The following NUP98 variants were observed in gnomAD, a reference collection of about 807,000 sequenced individuals.
The protein encoded by NUP98 is nucleoporin 98 and 96 precursor, also known as nuclear pore complex protein Nup98-Nup96.
NUP98 carries 26 observed loss-of-function variants against 191.9 expected under a neutral mutation model. The ratio of observed to expected loss-of-function variants is 0.14; its 90% CI spans 0.10 to 0.19. NUP98 has a LOEUF of 0.19. NUP98 is among the 10% of genes least tolerant of loss of function. The pLI, the probability that NUP98 is intolerant of heterozygous loss-of-function variation, is 1.00. For synonymous variants in NUP98, 808 were observed against 778.4 expected (o/e 1.04, Z -0.63); for missense variants, 1,941 against 2,178.8 (o/e 0.89, Z 2.17).
At chr11:3,770,852 C>A (rs2081508385) in intron 7 of NUP98, among the ~76,000 whole-genome samples, 1 of 152,082 alleles carries the variant, frequency 6.6e-6, no homozygotes, top group Non-Finnish European at 1.5e-5. Flanking sequence ...TCCAGAACCT[C>A]ATCTTTTTTC....
chr11:3,702,791 T>C lies in NUP98; in HGVS notation c.3184A>G (p.Ile1062Val). ...ACAGACCAAGAGGATGTGGATGGGA[T>C]ATTCATTAAAGATGCTGCTCTGGGA... ...RTPRAASLMN[I>V]PSTSSWSVPP... The change falls in exon 23 of 33, where the codon ATC (isoleucine) becomes GTC (valine). Residue 1062 changes from isoleucine (I) to valine (V), a missense_variant. Physicochemically the swap from Ile to Val is conservative, Grantham distance 29. Transcript: ENST00000324932. 3.1e-6 allele frequency: 5 copies of C among 1,614,138 alleles called. No individual in the cohort carries two copies. The highest frequency in any genetic ancestry group is 4.2e-6 in the Non-Finnish European group (5 of 1,180,010).
In NUP98 at chr11:3,735,208, G is replaced by A; in HGVS notation, c.1525C>T (p.Pro509Ser). ...AAATTTACCTCTTCCTTCTTCTTAG[G>A]GTCTGACATCGGATTCCGGAAGAGA... is the stretch of plus-strand genomic sequence containing the variant. ...SPLFRNPMSD[P>S]KKKEERLKPT... The change falls in exon 13 of 33, where the codon CCT (proline) becomes TCT (serine). Residue 509 changes from proline to serine, a missense_variant. By Grantham distance (74) the Pro-to-Ser change is moderately conservative. Around this residue, in one of 6 missense-constraint regions of NUP98, gnomAD observed 453 missense variants for 438.2 expected, o/e 1.03. Transcript: ENST00000324932. 6.3e-7 allele frequency: 1 copy of A among 1,586,892 alleles called. No individual in the cohort carries two copies. Among genetic ancestry groups the A allele is most frequent in the South Asian group, 1.2e-5 (1 of 86,506 alleles).
intron 18 of NUP98, chr11:3,714,748 A>T (rs2079123065): frequency 6.5e-6 from 1 of 152,700 alleles, no homozygotes; most frequent in African/African-American, 2.4e-5. Context: ...GCTGAATAAC[A>T]TATATTTTTT....
At position 3,757,087 on chromosome 11, in the gene NUP98, C is replaced by CAA. The variant is rs1199481122; in HGVS notation, c.1174+3450_1174+3451dup. Reference sequence around the variant, plus strand: ...CGGGCGACAGAGCGAGACTCCATCTCAAAAAAAAAATATATATATATATCT... The same window carrying CAA: ...CGGGCGACAGAGCGAGACTCCATCTCAAAAAAAAAAAATATATATATATATCT... On this transcript the variant is annotated intron_variant, in intron 10 of 32. Coordinates refer to ENST00000324932, the MANE Select transcript of NUP98 (RefSeq NM_016320.5). Among the ~76,000 whole-genome samples the CAA allele has an allele frequency of 2.2e-5, 3 of 137,430 alleles. No homozygotes were observed. The South Asian group carries it at 6.8e-4, about 31-fold the overall frequency. The allele number at this position is 137,430 out of a possible 152,430, so 90.2% of individuals were successfully genotyped here.
chr11:3,743,741 T>C (rs1211244401), intron 12 of NUP98, among the ~76,000 whole-genome samples: 1 of 151,072 alleles, frequency 6.6e-6, no homozygotes, highest in African/African-American at 2.4e-5. Context: ...GAAGGTGGTA[T>C]TCAAATGAAT....
chr11:3,699,388 C>G, intron 24 of NUP98, 40 bp from the exon 25 acceptor site: 1 of 1,602,434 alleles, frequency 6.2e-7, no homozygotes, highest in Middle Eastern at 1.7e-4. Flanking sequence ...GAGACAAAGT[C>G]TTACAACAAC....
intron 12 of NUP98, among the ~76,000 whole-genome samples, chr11:3,735,748 AGTGTGTGTGTGTGTGT>A (rs71041385): frequency 0.054 from 7,616 of 140,974 alleles, 245 homozygotes; most frequent in Middle Eastern, 0.1. Flanking sequence ...CAGGGCAAGT[AGTGTGTGTGTGTGTGT>A]GTGTGTGTGT....
chr11:3,688,866 T>A (rs374303540), intron 28 of NUP98, among the ~76,000 whole-genome samples: 6 of 146,568 alleles, frequency 4.1e-5, no homozygotes, highest in African/African-American at 1.5e-4. Context: ...CCTTGAAGAT[T>A]TGAAATGAGA....
intron 1 of NUP98, among the ~76,000 whole-genome samples, chr11:3,784,783 C>G (rs976755372): frequency 6.6e-6 from 1 of 151,458 alleles, no homozygotes; most frequent in African/African-American, 2.4e-5. Flanking sequence ...AAATATTGAA[C>G]AAAAATGTCT....
intron 10 of NUP98, among the ~76,000 whole-genome samples, chr11:3,755,367 C>T (rs1355174575): frequency 3.3e-5 from 5 of 150,444 alleles, no homozygotes; most frequent in East Asian, 2.0e-4. Flanking sequence ...GGGAGGCTGA[C>T]GCAGGAAGAT....
At chr11:3,783,560 G>C (rs556913024) in intron 1 of NUP98, among the ~76,000 whole-genome samples, 1 of 152,244 alleles carries the variant, frequency 6.6e-6, no homozygotes, top group South Asian at 2.1e-4. Context: ...TTAGCCAGGC[G>C]TGGTGGTGCA....
At chr11:3,677,410 GTTTT>G (rs372075323) in intron 31 of NUP98, among the ~76,000 whole-genome samples, 11,438 of 130,754 alleles carry the variant, frequency 0.087, 594 homozygotes, top group Non-Finnish European at 0.12. Context: ...TGTAACATAG[GTTTT>G]TTTTTTTTTT....
intron 4 of NUP98, among the ~76,000 whole-genome samples, chr11:3,776,482 ATT>A (rs1244430293): frequency 8.4e-5 from 12 of 142,726 alleles, no homozygotes; most frequent in Non-Finnish European, 1.8e-4. Flanking sequence ...TCAAATAGAA[ATT>A]TCTTTTTTTT....
chr11:3,757,721 C>A (rs2081022641), intron 10 of NUP98, among the ~76,000 whole-genome samples: 1 of 152,068 alleles, frequency 6.6e-6, no homozygotes, highest in East Asian at 1.9e-4. Context: ...ATCGCTTGAA[C>A]CCAGGAGGCA....
intron 23 of NUP98, among the ~76,000 whole-genome samples, 142 bp downstream of exon 23, chr11:3,702,305 ACACACACACTCTCTCT>A (rs2078712633): frequency 3.4e-5 from 2 of 59,382 alleles, no homozygotes; most frequent in Admixed American, 1.9e-4. Flanking sequence ...ACACACACAC[ACACACACACTCTCTCT>A]CTCTCTCTCT....
intron 1 of NUP98, among the ~76,000 whole-genome samples, chr11:3,782,800 T>C (rs1243170044): frequency 1.3e-5 from 2 of 151,968 alleles, no homozygotes; most frequent in African/African-American, 4.8e-5. Context: ...CCCACCTGGG[T>C]GCTGAGATTA....
In NUP98 at chr11:3,720,975, A is replaced by AGTGTGTGTGTGTGTGT. The variant is rs55984201; in HGVS notation, c.2147-166_2147-151dup. ...TGATTCCTAGGAGAAGGGGTGTGTG[A>AGTGTGTGTGTGTGTGT]GTGTGTGTGTGTGTGTGTGTGTGTG... On this transcript the variant is annotated intron_variant, in intron 16 of 32. Coordinates refer to ENST00000324932, the MANE Select transcript of NUP98 (RefSeq NM_016320.5). The AGTGTGTGTGTGTGTGT allele has an allele frequency of 1.4e-3, 450 of 324,580 alleles. 4 individuals carry two copies. The highest frequency in any genetic ancestry group is 7.4e-3 in the African/African-American group (328 of 44,100). The allele number at this position is 324,580 out of a possible 1,614,324, so 20.1% of individuals were successfully genotyped here. A position where few individuals can be genotyped will look rare whatever the true frequency, so the allele number is the denominator to read the frequency against.
At chr11:3,765,189 T>C (rs1420260417) in intron 8 of NUP98, among the ~76,000 whole-genome samples, 1 of 152,202 alleles carries the variant, frequency 6.6e-6, no homozygotes, top group Non-Finnish European at 1.5e-5. Context: ...AATGTTTTTC[T>C]GCCATCTTTG....
At chr11:3,749,735 A>C (rs961646692) in intron 11 of NUP98, among the ~76,000 whole-genome samples, 4 of 152,120 alleles carry the variant, frequency 2.6e-5, no homozygotes, top group Non-Finnish European at 5.9e-5. Context: ...CTTAAATGGC[A>C]AATAAAAAAA....
Sources: gnomAD v4.1 joint callset for allele counts (sites outside exome capture counted in the v4.1 genomes callset) on GRCh38, gnomAD v4.1.1 for gene constraint, gnomAD v4.1.1 regional missense constraint, MANE v1.5 for transcripts, NCBI Gene and HGNC (gene_info 2026-07-23, HGNC 2026-07-21) for gene names.